Variants in SENP8 observed in about 807,000 individuals in gnomAD.
The protein encoded by SENP8 is sentrin-specific protease 8.
Under a neutral mutation model 14.4 loss-of-function variants are expected in SENP8, and 10 were observed. That is an observed-to-expected ratio of 0.69 (90% confidence interval 0.43 to 1.18). The LOEUF (loss-of-function observed/expected upper bound fraction) is 1.18. Among genes scored for constraint, SENP8 ranks in the 50% most tolerant of loss-of-function variants. The probability of loss-of-function intolerance (pLI) is 0.00; values close to 1 mark genes in which losing one functional copy is unlikely to be tolerated. For missense variants in SENP8, 202 were observed against 249.4 expected, an observed-to-expected ratio of 0.81 and a Z score of 1.28; for synonymous variants, 94 against 95.5, an observed-to-expected ratio of 0.98 and a Z score of 0.09.
At chr15:72,131,855 T>C (rs7171446) in intron 1 of SENP8, among the ~76,000 whole-genome samples, 6,532 of 152,304 alleles carry the variant, frequency 0.043, 254 homozygotes, top group East Asian at 0.18. Context: ...TTTGTGGCTT[T>C]ATATAAAGAG....
intron 1 of SENP8, 83 bp from the exon 2 acceptor site, chr15:72,139,494 T>C: frequency 7.7e-7 from 1 of 1,303,600 alleles, no homozygotes; most frequent in Admixed American, 2.2e-5. Context: ...TGTATTTTTT[T>C]ACCACAACCC....
intron 1 of SENP8, among the ~76,000 whole-genome samples, chr15:72,122,519 A>T (rs985249465): frequency 6.6e-6 from 1 of 152,244 alleles, no homozygotes; most frequent in African/African-American, 2.4e-5. Context: ...TAAAAAATTG[A>T]ATTTGGGGTT....
At chr15:72,115,691 C>T (rs1271422013), upstream of SENP8, among the ~76,000 whole-genome samples, 1 of 152,142 alleles carries the variant, frequency 6.6e-6, no homozygotes, top group Non-Finnish European at 1.5e-5. Flanking sequence ...CTTTAAAATC[C>T]TTCAATAATT....
rs768417684 is a variant in SENP8, at chr15:72,139,895, A to T, written c.272A>T (p.Asn91Ile). The change falls in exon 2 of 2, where the codon AAT (asparagine) becomes ATT (isoleucine). Residue 91 changes from asparagine (N) to isoleucine (I), a missense_variant. Asn to Ile is a moderately radical substitution (Grantham distance 149). Transcript: ENST00000340912. ...PNKRVVFLAINDNSNQAAGGT... is the reference protein window; with the variant it reads ...PNKRVVFLAIIDNSNQAAGGT... The stretch of plus-strand genomic sequence containing the variant: ...AAGAGAGTTGTATTTTTAGCCATCA[A>T]TGATAACTCCAACCAGGCAGCTGGA... 6.2e-7 allele frequency: 1 copy of T among 1,614,220 alleles called. No homozygotes were observed. The highest frequency in any genetic ancestry group is 1.7e-5 in the Admixed American group (1 of 60,026).
At chr15:72,124,046 A>G (rs555523038) in intron 1 of SENP8, among the ~76,000 whole-genome samples, 8 of 152,344 alleles carry the variant, frequency 5.3e-5, no homozygotes, top group African/African-American at 1.9e-4. Flanking sequence ...AGAGTTACCA[A>G]GCATCATCAT....
rs1301175907 is a variant in SENP8 at position 72,143,315 on chromosome 15, C to T, written c.*3053C>T. ...CATCTACAAAATAAACCTTGTTTTCCTTCTGTCCTACTCAGTTCCATTTTA... is the reference window on the plus strand; with the variant it reads ...CATCTACAAAATAAACCTTGTTTTCTTTCTGTCCTACTCAGTTCCATTTTA... On this transcript the variant is annotated 3_prime_UTR_variant, in exon 2 of 2. Coordinates refer to ENST00000340912, the MANE Select transcript of SENP8 (RefSeq NM_145204.4). 1.3e-5 allele frequency: 2 copies of T among 152,102 alleles called. No homozygotes were observed. The highest frequency in any genetic ancestry group is 4.8e-5 in the African/African-American group (2 of 41,422). The allele number at this position is 152,102 out of a possible 1,614,324, so 9.4% of individuals were successfully genotyped here.
chr15:72,139,868 A>G lies in SENP8; in HGVS notation c.245A>G (p.Asn82Ser), dbSNP rs975656465. 1 of 1,614,222 alleles carries G rather than the reference A, an allele frequency of 6.2e-7. No homozygotes were observed. Among genetic ancestry groups the G allele is most frequent in the South Asian group, 1.1e-5 (1 of 91,082 alleles). Residue 82 changes from asparagine to serine, a missense_variant, in exon 2 of 2, where the codon AAC (asparagine) becomes AGC (serine). Coordinates refer to ENST00000340912, the MANE Select transcript of SENP8 (RefSeq NM_145204.4). ...AMFLEPLDLP[N>S]KRVVFLAIND... ...TTCCTTGAACCACTGGACCTCCCCA[A>G]CAAGAGAGTTGTATTTTTAGCCATC...
upstream of SENP8, chr15:72,118,051 C>G: frequency 2.5e-6 from 1 of 396,256 alleles, no homozygotes; most frequent in Non-Finnish European, 4.5e-6. Flanking sequence ...CAGCCAACCG[C>G]CGCCGCGTCC....
At chr15:72,137,065 AT>A (rs1229393988) in intron 1 of SENP8, among the ~76,000 whole-genome samples, 1 of 151,898 alleles carries the variant, frequency 6.6e-6, no homozygotes, top group African/African-American at 2.4e-5. Context: ...TTCAAACCTC[AT>A]TTTCTTTGAT....
At chr15:72,119,572 C>A (rs1388416754) in intron 1 of SENP8, among the ~76,000 whole-genome samples, 1 of 152,148 alleles carries the variant, frequency 6.6e-6, no homozygotes, top group Non-Finnish European at 1.5e-5. Context: ...CATGGTGAAA[C>A]CTCGTCTCTA....
intron 1 of SENP8, among the ~76,000 whole-genome samples, chr15:72,131,812 A>C (rs1220654573): frequency 1.3e-5 from 2 of 152,232 alleles, no homozygotes; most frequent in African/African-American, 4.8e-5. Context: ...ACAAGAGCAG[A>C]GTCATGCCAT....
intron 1 of SENP8, among the ~76,000 whole-genome samples, chr15:72,133,456 CCT>C (rs748690035): frequency 6.6e-6 from 1 of 152,216 alleles, no homozygotes; most frequent in Non-Finnish European, 1.5e-5. Context: ...ACTTTCTTTA[CCT>C]CTCTGTCTTC....
At chr15:72,137,104 G>C (rs573454967) in intron 1 of SENP8, among the ~76,000 whole-genome samples, 5 of 152,182 alleles carry the variant, frequency 3.3e-5, no homozygotes, top group African/African-American at 7.2e-5. Flanking sequence ...TGGATTTTCT[G>C]ATTATCTTAC....
intron 1 of SENP8, chr15:72,135,068 T>G: frequency 3.5e-6 from 1 of 288,504 alleles, no homozygotes. Context: ...TGTTTGTTTT[T>G]TGTTTGTTTT....
chr15:72,129,187 G>A lies in SENP8; in HGVS notation c.-47-10390G>A, dbSNP rs185898416. On this transcript the variant is annotated intron_variant, in intron 1 of 1. Coordinates refer to ENST00000340912, the MANE Select transcript of SENP8 (RefSeq NM_145204.4). Reference sequence around the variant, plus strand: ...TACATCTATAAAATAGACAATTATCGTTAATATCCATTGTAAATTAGTATT... The same window carrying A: ...TACATCTATAAAATAGACAATTATCATTAATATCCATTGTAAATTAGTATT... Among the ~76,000 whole-genome samples, 857 of 152,194 alleles carry A rather than the reference G, an allele frequency of 5.6e-3. 7 individuals are homozygous for A. Among genetic ancestry groups the A allele is most frequent in the Non-Finnish European group, 8.8e-3 (597 of 68,008 alleles).
At chr15:72,138,230 C>G (rs1284596933) in intron 1 of SENP8, among the ~76,000 whole-genome samples, 1 of 152,044 alleles carries the variant, frequency 6.6e-6, no homozygotes, top group East Asian at 1.9e-4. Context: ...AGTTCTCATT[C>G]TAACTAATCG....
intron 1 of SENP8, among the ~76,000 whole-genome samples, chr15:72,129,839 CT>C (rs2081255713): frequency 6.7e-6 from 1 of 149,804 alleles, no homozygotes; most frequent in Non-Finnish European, 1.5e-5. Context: ...GAGACCCAGT[CT>C]AAAAAAAAAG....
rs1406936047 is a variant in SENP8, at chr15:72,141,066, C to CAA, written c.*806_*807dup. On this transcript the variant is annotated 3_prime_UTR_variant, in exon 2 of 2. Transcript: ENST00000340912. ...CATGCACACACTTCCTCCTTATATC[C>CAA]AAAGTTCTTTGGTTCTAAAATTCAT... The CAA allele has an allele frequency of 6.1e-6, 1 of 163,312 alleles. No individual in the cohort carries two copies. Among genetic ancestry groups the CAA allele is most frequent in the Non-Finnish European group, 1.5e-5 (1 of 68,108 alleles). 10.1% of individuals were successfully genotyped at this position (163,312 alleles called of 1,614,324 possible).
upstream of SENP8, among the ~76,000 whole-genome samples, chr15:72,116,512 A>G (rs186427360): frequency 1.3e-5 from 2 of 152,278 alleles, no homozygotes; most frequent in African/African-American, 2.4e-5. Flanking sequence ...TGCTTCTTGG[A>G]GAAGCAAGAC....
Sources: gnomAD v4.1 joint callset for allele counts (sites outside exome capture counted in the v4.1 genomes callset) on GRCh38, gnomAD v4.1.1 for gene constraint, MANE v1.5 for transcripts, NCBI Gene and HGNC (gene_info 2026-07-23, HGNC 2026-07-21) for gene names.